Variants in ABCC1 observed in about 807,000 individuals in gnomAD.
ABCC1 encodes the protein multidrug resistance-associated protein 1.
ABCC1 carries 83 observed loss-of-function variants against 172.9 expected under a neutral mutation model. The ratio of observed to expected loss-of-function variants is 0.48; its 90% CI spans 0.40 to 0.58. ABCC1 has a LOEUF of 0.58. ABCC1 is among the 20% of genes least tolerant of loss of function. ABCC1 has a pLI of 0.00. For synonymous variants in ABCC1, 937 were observed against 825.2 expected (o/e 1.14, Z -2.32); for missense variants, 1,817 against 2,002.7 (o/e 0.91, Z 1.77).
chr16:15,975,206 A>C (rs1445425327), intron 1 of ABCC1, among the ~76,000 whole-genome samples: 1 of 152,218 alleles, frequency 6.6e-6, no homozygotes, highest in African/African-American at 2.4e-5. Context: ...CCCCATGGCT[A>C]GTGCTACCTG....
intron 1 of ABCC1, among the ~76,000 whole-genome samples, chr16:15,992,769 C>G (rs1447690305): frequency 2.0e-5 from 3 of 152,188 alleles, no homozygotes; most frequent in Admixed American, 2.0e-4. Flanking sequence ...CCAGGGCCTC[C>G]TGTGAGAATT....
intron 5 of ABCC1, among the ~76,000 whole-genome samples, chr16:16,018,822 T>C (rs1337916063): frequency 6.6e-6 from 1 of 152,084 alleles, no homozygotes; most frequent in African/African-American, 2.4e-5. Flanking sequence ...TGTGTGTCTT[T>C]GTGTTGTGTG....
intron 3 of ABCC1, among the ~76,000 whole-genome samples, chr16:16,010,717 T>C (rs559116856): frequency 6.6e-6 from 1 of 152,188 alleles, no homozygotes; most frequent in Non-Finnish European, 1.5e-5. Flanking sequence ...TGAAATTCAT[T>C]GAATTTTCAC....
At chr16:16,096,931 A>G (rs1044537505) in intron 19 of ABCC1, among the ~76,000 whole-genome samples, 35 of 151,952 alleles carry the variant, frequency 2.3e-4, no homozygotes, top group African/African-American at 8.2e-4. Context: ...AAAAAAAAGA[A>G]AGAACTCTTG....
intron 20 of ABCC1, 136 bp from the exon 21 acceptor site, chr16:16,106,602 G>A (rs986301236): frequency 5.7e-5 from 56 of 981,808 alleles, no homozygotes; most frequent in Non-Finnish European, 7.1e-5. Context: ...TCATATATAT[G>A]TTTACATGTG....
rs1303242575 is a variant in ABCC1 at position 16,111,513 on chromosome 16, A to G, written c.3010A>G (p.Ile1004Val). ...YWLSLWTDDP[I>V]VNGTQEHTKV... ...GCTCAGCCTCTGGACTGATGACCCC[A>G]TCGTCAACGGGACTCAGGAGCACAC... Residue 1004 changes from isoleucine (I) to valine (V), a missense_variant, in exon 22 of 31, where the codon ATC (isoleucine) becomes GTC (valine). Transcript: ENST00000399410. 1.2e-6 allele frequency: 2 copies of G among 1,614,108 alleles called. No homozygotes were observed. Among genetic ancestry groups the G allele is most frequent in the Non-Finnish European group, 8.5e-7 (1 of 1,180,004 alleles).
chr16:16,133,544 C>T (rs747245812), intron 27 of ABCC1, among the ~76,000 whole-genome samples: 37 of 152,120 alleles, frequency 2.4e-4, no homozygotes, highest in Non-Finnish European at 4.6e-4. Flanking sequence ...TCTGGGACTA[C>T]AGGTGCATGC....
intron 1 of ABCC1, among the ~76,000 whole-genome samples, chr16:15,990,250 G>A (rs1001105327): frequency 3.9e-5 from 6 of 152,114 alleles, no homozygotes; most frequent in African/African-American, 1.4e-4. Flanking sequence ...TTTCACCATA[G>A]TGGCCAGGCT....
chr16:16,085,483 A>G (rs1217855247), intron 17 of ABCC1, among the ~76,000 whole-genome samples: 1 of 152,228 alleles, frequency 6.6e-6, no homozygotes, highest in Non-Finnish European at 1.5e-5. Flanking sequence ...CCTTGGAAAT[A>G]AAAAACGAAT....
chr16:16,060,727 C>T (rs2081251978), intron 12 of ABCC1, among the ~76,000 whole-genome samples: 1 of 151,786 alleles, frequency 6.6e-6, no homozygotes, highest in African/African-American at 2.4e-5. Flanking sequence ...TTGTCATGTT[C>T]GCCAGGCTGG....
At position 16,090,453 on chromosome 16, in the gene ABCC1, GTCA is replaced by G; in HGVS notation, c.2515_2517del (p.Ile839del). ...CATGAGCTACTTGCCGCAGGTGGAC[GTCA>G]TCATCGTCATGAGTGGCGGCAAGAT... On this transcript the variant is annotated inframe_deletion, in exon 19 of 31. Transcript: ENST00000399410. 6.2e-7 allele frequency: 1 copy of G among 1,613,462 alleles called. No individual in the cohort carries two copies. Among genetic ancestry groups the G allele is most frequent in the Non-Finnish European group, 8.5e-7 (1 of 1,179,742 alleles).
chr16:16,044,627 C>T lies in ABCC1; in HGVS notation c.987C>T (p.Phe329=). The change falls in exon 8 of 31, where the codon TTC becomes TTT. Residue 329 remains phenylalanine, a synonymous_variant. Coordinates refer to ENST00000399410, the MANE Select transcript of ABCC1 (RefSeq NM_004996.4). ...KTFGPYFLMS[F]FFKAIHDLMM... ...TTGGGCCCTACTTCCTCATGAGCTT[C>T]TTCTTCAAGGCCATCCACGACCTGA... 3 of 1,614,160 alleles carry T rather than the reference C, an allele frequency of 1.9e-6. No individual in the cohort carries two copies. The highest frequency in any genetic ancestry group is 2.5e-6 in the Non-Finnish European group (3 of 1,180,028).
At chr16:15,999,639 G>T (rs115109379) in intron 1 of ABCC1, among the ~76,000 whole-genome samples, 6,220 of 148,802 alleles carry the variant, frequency 0.042, 454 homozygotes, top group African/African-American at 0.14. Context: ...AATAGAAAAA[G>T]AAAAATAAAA....
At position 16,005,349 on chromosome 16, in the gene ABCC1, ATTT is replaced by A. The variant is rs35956116; in HGVS notation, c.49-2452_49-2450del. The stretch of plus-strand genomic sequence containing the variant: ...GGGCCCAGCACCACCAGATTTTCTG[ATTT>A]TTTTTTTTTTTTTTGAGACACAGTC... On this transcript the variant is annotated intron_variant, in intron 1 of 30. Coordinates refer to ENST00000399410, the MANE Select transcript of ABCC1 (RefSeq NM_004996.4). Among the ~76,000 whole-genome samples, 688 of 139,832 alleles carry A rather than the reference ATTT, an allele frequency of 4.9e-3. 3 individuals carry two copies. Among genetic ancestry groups the A allele is most frequent in the Non-Finnish European group, 8.0e-3 (521 of 65,072 alleles). The allele number at this position is 139,832 out of a possible 152,430, so 91.7% of individuals were successfully genotyped here. A position where few individuals can be genotyped will look rare whatever the true frequency, so the allele number is the denominator to read the frequency against.
rs912230018 is a variant in ABCC1, at chr16:16,076,038, C to T, written c.1913-288C>T. On this transcript the variant is annotated intron_variant, in intron 14 of 30. Coordinates refer to ENST00000399410, the MANE Select transcript of ABCC1 (RefSeq NM_004996.4). ...CATTGAGTAATTCTCATGCGGCCCC[C>T]GCCTCTGCAGTCATCTCCCAAGATG... 1.9e-5 allele frequency: 9 copies of T among 469,084 alleles called. No individual in the cohort carries two copies. The East Asian group carries it at 2.7e-4, about 14-fold the overall frequency. The allele number at this position is 469,084 out of a possible 1,614,324, so 29.1% of individuals were successfully genotyped here.
chr16:16,034,951 G>A (rs144198349), intron 6 of ABCC1, among the ~76,000 whole-genome samples: 19 of 152,244 alleles, frequency 1.2e-4, no homozygotes, highest in Non-Finnish European at 2.5e-4. Flanking sequence ...GTTTGTGTGT[G>A]CATGTCAATG....
intron 13 of ABCC1, among the ~76,000 whole-genome samples, chr16:16,069,261 C>T (rs1175407842): frequency 2.0e-5 from 3 of 151,904 alleles, no homozygotes; most frequent in East Asian, 1.9e-4. Flanking sequence ...GTACTCCCAG[C>T]GACTCAGAAG....
chr16:16,046,064 T>C (rs755692374), intron 9 of ABCC1, 51 bp downstream of exon 9: 2 of 1,589,710 alleles, frequency 1.3e-6, no homozygotes, highest in African/African-American at 2.7e-5. Flanking sequence ...CATCCCCTCC[T>C]GCAGCCCTGG....
chr16:16,103,760 AACAG>A (rs1414766528), intron 20 of ABCC1, among the ~76,000 whole-genome samples: 4 of 152,294 alleles, frequency 2.6e-5, no homozygotes, highest in African/African-American at 9.6e-5. Flanking sequence ...CGGTGCCTGG[AACAG>A]ACAAACACTT....
Sources: gnomAD v4.1 joint callset for allele counts (sites outside exome capture counted in the v4.1 genomes callset) on GRCh38, gnomAD v4.1.1 for gene constraint, MANE v1.5 for transcripts, NCBI Gene and HGNC (gene_info 2026-07-23, HGNC 2026-07-21) for gene names.